Variants in ARHGAP20 observed in about 807,000 individuals in gnomAD.
ARHGAP20 encodes the protein rho GTPase-activating protein 20.
Under a neutral mutation model 73.7 loss-of-function variants are expected in ARHGAP20, and 34 were observed. That is an observed-to-expected ratio of 0.46 (90% CI 0.35 to 0.61). The LOEUF is 0.61. ARHGAP20 is among the 20% of genes least tolerant of loss of function. ARHGAP20 has a pLI of 0.00. For missense variants in ARHGAP20, 1,314 were observed against 1,420.9 expected, an observed-to-expected ratio of 0.92 and a Z score of 1.21; for synonymous variants, 523 against 518.2, an observed-to-expected ratio of 1.01 and a Z score of -0.13.
At chr11:110,681,362 T>G (rs1027238612) in intron 2 of ARHGAP20, among the ~76,000 whole-genome samples, 7 of 152,170 alleles carry the variant, frequency 4.6e-5, no homozygotes, top group African/African-American at 1.7e-4. Context: ...TAACTTCTCT[T>G]TTAAATTAAT....
At position 110,580,765 on chromosome 11, in the gene ARHGAP20, GC is replaced by G; in HGVS notation, c.2180del (p.Arg727ProfsTer17). The G allele has an allele frequency of 6.2e-7, 1 of 1,613,988 alleles. No individual in the cohort carries two copies. The highest frequency in any genetic ancestry group is 8.5e-7 in the Non-Finnish European group (1 of 1,179,994). On this transcript the variant is annotated frameshift_variant, in exon 15 of 15. Coordinates refer to ENST00000683387, the MANE Select transcript of ARHGAP20 (RefSeq NM_001384657.1). LOFTEE classifies it low-confidence loss of function (END_TRUNC). The stretch of plus-strand genomic sequence containing the variant: ...AAAGAATTGCATCACAGCTGGACTT[GC>G]GTAGCTTTTTCTGATAAAACTCCCT... ...YLREFYQKKL[R>X]KSSCDAILSQ...
intron 11 of ARHGAP20, among the ~76,000 whole-genome samples, chr11:110,588,499 A>C (rs1947732433): frequency 6.6e-6 from 1 of 152,246 alleles, no homozygotes; most frequent in South Asian, 2.1e-4. Context: ...CAAAAGCTTA[A>C]GAACTTTTGC....
chr11:110,623,315 C>T (rs1286288577), intron 4 of ARHGAP20, among the ~76,000 whole-genome samples: 2 of 152,176 alleles, frequency 1.3e-5, no homozygotes, highest in African/African-American at 4.8e-5. Flanking sequence ...TGGACACTAA[C>T]TTTAAGTGTA....
chr11:110,681,556 A>G (rs897360954), intron 2 of ARHGAP20, among the ~76,000 whole-genome samples: 1 of 152,190 alleles, frequency 6.6e-6, no homozygotes, highest in African/African-American at 2.4e-5. Flanking sequence ...TCCTCAGTAA[A>G]CCACTGCAGA....
intron 2 of ARHGAP20, among the ~76,000 whole-genome samples, chr11:110,639,241 C>CG (rs1267069254): frequency 3.8e-5 from 3 of 79,728 alleles, no homozygotes; most frequent in Middle Eastern, 5.2e-3. Flanking sequence ...ATTCGATACC[C>CG]CCCCCCCACA....
intron 2 of ARHGAP20, among the ~76,000 whole-genome samples, chr11:110,631,014 G>C (rs771384743): frequency 7.2e-5 from 11 of 152,052 alleles, no homozygotes; most frequent in Non-Finnish European, 1.2e-4. Context: ...TCTCAATATA[G>C]ATTCTACCAT....
intron 2 of ARHGAP20, among the ~76,000 whole-genome samples, chr11:110,635,540 T>C (rs1035406235): frequency 1.1e-4 from 17 of 152,248 alleles, no homozygotes; most frequent in Middle Eastern, 3.4e-3. Flanking sequence ...AGTTGAACTT[T>C]TGAGAGTTAT....
intron 2 of ARHGAP20, among the ~76,000 whole-genome samples, chr11:110,689,838 C>T (rs531849588): frequency 2.0e-5 from 3 of 152,274 alleles, no homozygotes; most frequent in African/African-American, 7.2e-5. Flanking sequence ...AAATCCCCCA[C>T]ATCAAGAGGT....
chr11:110,660,618 C>A (rs987966322), intron 2 of ARHGAP20, among the ~76,000 whole-genome samples: 1 of 152,070 alleles, frequency 6.6e-6, no homozygotes, highest in African/African-American at 2.4e-5. Context: ...CAGGGTATTC[C>A]CAGAAGTACA....
chr11:110,589,694 ACT>A (rs1288915394), intron 11 of ARHGAP20: 2 of 985,186 alleles, frequency 2.0e-6, no homozygotes, highest in Non-Finnish European at 1.2e-6. Context: ...ACATTTTAGA[ACT>A]CTCTATCTCT....
At chr11:110,650,906 A>G (rs1273649171) in intron 2 of ARHGAP20, among the ~76,000 whole-genome samples, 1 of 152,166 alleles carries the variant, frequency 6.6e-6, no homozygotes, top group East Asian at 1.9e-4. Context: ...CCCTGATGCG[A>G]GGACAAATCT....
chr11:110,590,176 C>T (rs376052105), intron 11 of ARHGAP20, among the ~76,000 whole-genome samples: 33 of 149,008 alleles, frequency 2.2e-4, no homozygotes, highest in East Asian at 1.8e-3. Context: ...ATGGAATTTT[C>T]AGTGATCTCA....
intron 9 of ARHGAP20, among the ~76,000 whole-genome samples, 174 bp from the exon 10 acceptor site, chr11:110,592,329 T>C (rs949803248): frequency 1.3e-5 from 2 of 152,234 alleles, no homozygotes; most frequent in Non-Finnish European, 2.9e-5. Context: ...TTTCATCTTA[T>C]AAATGAAAGA....
intron 1 of ARHGAP20, among the ~76,000 whole-genome samples, chr11:110,695,228 T>C (rs1304134942): frequency 6.6e-6 from 1 of 151,564 alleles, no homozygotes. Context: ...CTAAAAATTA[T>C]AAAAATCTTA....
intron 2 of ARHGAP20, among the ~76,000 whole-genome samples, chr11:110,635,085 T>C (rs1948937753): frequency 6.6e-6 from 1 of 152,082 alleles, no homozygotes; most frequent in African/African-American, 2.4e-5. Flanking sequence ...AAAATCAGAA[T>C]TATGGCTTAT....
chr11:110,675,674 A>G (rs1044447723), intron 2 of ARHGAP20, among the ~76,000 whole-genome samples: 3 of 151,978 alleles, frequency 2.0e-5, no homozygotes, highest in African/African-American at 7.3e-5. Flanking sequence ...CCTGCCACTC[A>G]CCTCCTGCTG....
chr11:110,681,400 T>C (rs1048091615), intron 2 of ARHGAP20, among the ~76,000 whole-genome samples: 2 of 152,192 alleles, frequency 1.3e-5, no homozygotes, highest in Non-Finnish European at 2.9e-5. Flanking sequence ...TCAATTGTTA[T>C]TACAACTACC....
At chr11:110,663,953 T>C (rs1949668506) in intron 2 of ARHGAP20, among the ~76,000 whole-genome samples, 1 of 152,188 alleles carries the variant, frequency 6.6e-6, no homozygotes, top group Non-Finnish European at 1.5e-5. Flanking sequence ...CATTAAAAAT[T>C]AATCAATATA....
chr11:110,690,451 C>T, intron 2 of ARHGAP20, 96 bp downstream of exon 2: 1 of 1,229,234 alleles, frequency 8.1e-7, no homozygotes, highest in Admixed American at 1.8e-5. Context: ...AACAAACAAC[C>T]TCTACACATT....
Sources: allele counts gnomAD v4.1 joint callset (sites outside exome capture counted in the v4.1 genomes callset), GRCh38; gene constraint gnomAD v4.1.1; transcripts MANE v1.5; gene names NCBI Gene and HGNC (gene_info 2026-07-23, HGNC 2026-07-21).